Variants in CUL2 observed in about 807,000 individuals in gnomAD.
The protein encoded by CUL2 is cullin 2, also known as cullin-2.
Under a neutral mutation model 110.2 loss-of-function variants are expected in CUL2, and 22 were observed. The observed-to-expected ratio is 0.20, with a 90% CI of 0.14 to 0.28. The LOEUF (loss-of-function observed/expected upper bound fraction) is 0.28, where lower values mean the gene tolerates loss of function less well. Ranked by LOEUF, CUL2 falls within the 10% of genes least tolerant of loss-of-function variation. The probability of loss-of-function intolerance (pLI) is 1.00; values close to 1 mark genes in which losing one functional copy is unlikely to be tolerated. For missense variants in CUL2, 631 were observed against 905.5 expected (o/e 0.70, Z 3.89); for synonymous variants, 279 against 293.2 (o/e 0.95, Z 0.49).
chr10:35,018,832 A>T (rs1399644952), intron 17 of CUL2, among the ~76,000 whole-genome samples: 2 of 152,016 alleles, frequency 1.3e-5, no homozygotes, highest in Non-Finnish European at 2.9e-5. Context: ...CCATAAATGC[A>T]ATATTATCTT....
intron 1 of CUL2, chr10:35,118,795 T>C (rs554547569): frequency 4.6e-5 from 7 of 152,226 alleles, no homozygotes; most frequent in African/African-American, 1.7e-4. Flanking sequence ...CACAAGAGTT[T>C]AGGACTTGGG....
At chr10:35,067,343 C>A (rs1219688398) in intron 2 of CUL2, among the ~76,000 whole-genome samples, 1 of 152,024 alleles carries the variant, frequency 6.6e-6, no homozygotes. Flanking sequence ...CTGCTGGAGT[C>A]TGGAATGGAA....
intron 8 of CUL2, among the ~76,000 whole-genome samples, chr10:35,044,005 C>T (rs1368214815): frequency 7.8e-6 from 1 of 128,676 alleles, no homozygotes; most frequent in Non-Finnish European, 1.6e-5. Context: ...GAGCCATGAT[C>T]AAGCCACTGC....
At chr10:35,082,089 G>A (rs1166353661) in intron 1 of CUL2, among the ~76,000 whole-genome samples, 13 of 151,536 alleles carry the variant, frequency 8.6e-5, no homozygotes, top group Admixed American at 8.6e-4. Context: ...TTGAGCTCAG[G>A]AGTTCAAGAC....
intron 4 of CUL2, among the ~76,000 whole-genome samples, chr10:35,058,038 C>T (rs2086286974): frequency 6.6e-6 from 1 of 152,160 alleles, no homozygotes; most frequent in South Asian, 2.1e-4. Context: ...GCGGATGCTG[C>T]AGTGAGCCAA....
At chr10:35,093,172 C>G (rs1262281605), upstream of CUL2, among the ~76,000 whole-genome samples, 3 of 152,032 alleles carry the variant, frequency 2.0e-5, no homozygotes, top group Non-Finnish European at 4.4e-5. Context: ...GTCCCCTGCT[C>G]ACCAAATTGT....
intron 1 of CUL2, among the ~76,000 whole-genome samples, chr10:35,073,033 G>T (rs1195109097): frequency 2.6e-5 from 4 of 152,166 alleles, no homozygotes; most frequent in African/African-American, 9.7e-5. Flanking sequence ...CACGGACTGG[G>T]AGAGGCCCTT....
chr10:35,094,594 T>C (rs944942356), upstream of CUL2, among the ~76,000 whole-genome samples: 1 of 152,096 alleles, frequency 6.6e-6, no homozygotes, highest in African/African-American at 2.4e-5. Context: ...CTCTAACTCA[T>C]GAAATTCCTT....
At chr10:35,061,315 T>TA (rs927809615) in intron 3 of CUL2, among the ~76,000 whole-genome samples, 8 of 150,494 alleles carry the variant, frequency 5.3e-5, no homozygotes, top group African/African-American at 1.2e-4. Context: ...CTCTACTAAA[T>TA]AAAAAAAAAT....
chr10:35,102,900 A>T (rs1040153373), intron 1 of CUL2, among the ~76,000 whole-genome samples: 19 of 150,906 alleles, frequency 1.3e-4, no homozygotes, highest in Middle Eastern at 3.4e-3. Context: ...AAAAAAAAAA[A>T]TTTTAAGAAG....
In CUL2 at chr10:35,038,989, T is replaced by A; in HGVS notation, c.808A>T (p.Met270Leu). Reference protein sequence around the residue: ...TKVIHECQQRMVADHLQFLHA... With the variant: ...TKVIHECQQRLVADHLQFLHA... The stretch of plus-strand genomic sequence containing the variant: ...AAAAACTGTAAGTGGTCTGCTACCA[T>A]TCGTTGTTGACATTCATGAATCACC... Residue 270 changes from methionine to leucine, a missense_variant, in exon 9 of 21, where the codon ATG (methionine) becomes TTG (leucine). This residue lies in a region of CUL2 where 338 missense variants were observed against 442.5 expected (regional missense o/e 0.76). Transcript: ENST00000374749. 6.2e-7 allele frequency: 1 copy of A among 1,610,562 alleles called. No individual in the cohort carries two copies. The highest frequency in any genetic ancestry group is 8.5e-7 in the Non-Finnish European group (1 of 1,177,926).
At chr10:35,027,568 T>C (rs1251702103) in intron 16 of CUL2, among the ~76,000 whole-genome samples, 1 of 152,226 alleles carries the variant, frequency 6.6e-6, no homozygotes, top group Admixed American at 6.5e-5. Context: ...TTCCACAGTT[T>C]TGAGATACTT....
intron 15 of CUL2, among the ~76,000 whole-genome samples, 176 bp from the exon 16 acceptor site, chr10:35,029,063 G>GT (rs35011745): frequency 0.34 from 47,685 of 141,898 alleles, 7,906 homozygotes; most frequent in South Asian, 0.36. Flanking sequence ...ACCTTTTTTT[G>GT]TTTTTTTTTT....
At chr10:35,123,794 G>C (rs1454170318) in intron 1 of CUL2, among the ~76,000 whole-genome samples, 1 of 152,246 alleles carries the variant, frequency 6.6e-6, no homozygotes, top group Non-Finnish European at 1.5e-5. Context: ...AGTGAGAACT[G>C]TCAGGTGTTT....
chr10:35,092,376 G>A (rs926861743), upstream of CUL2, among the ~76,000 whole-genome samples: 15 of 152,198 alleles, frequency 9.9e-5, no homozygotes, highest in Admixed American at 2.6e-4. Flanking sequence ...TCATTGGATC[G>A]CTGTATTCTT....
In CUL2 at chr10:35,031,749, T is replaced by TA. The variant is rs2085485273; in HGVS notation, c.1171-131_1171-130insT. Reference sequence around the variant, plus strand: ...TTTGCTGTTTTTTTTAGAGACCGGGTCTTGCTCTGTTGCCAGGCTGGATTG... The same window carrying TA: ...TTTGCTGTTTTTTTTAGAGACCGGGTACTTGCTCTGTTGCCAGGCTGGATTG... On this transcript the variant is annotated intron_variant, in intron 12 of 20. Coordinates refer to ENST00000374749, the MANE Select transcript of CUL2 (RefSeq NM_003591.4). This position sits in a 1 kb window ranked among gnomAD's most constrained non-coding sequence, Gnocchi z 4.4. 1 of 892,778 alleles carries TA rather than the reference T, an allele frequency of 1.1e-6. No individual in the cohort carries two copies. Among genetic ancestry groups the TA allele is most frequent in the Admixed American group, 2.4e-5 (1 of 41,834 alleles). 55.3% of individuals were successfully genotyped at this position (892,778 alleles called of 1,614,324 possible).
intron 8 of CUL2, among the ~76,000 whole-genome samples, chr10:35,044,058 A>AC (rs2085870884): frequency 9.5e-6 from 1 of 105,734 alleles, no homozygotes; most frequent in African/African-American, 3.4e-5. Flanking sequence ...CTCCAAAAAA[A>AC]AAAAAAAAAA....
At chr10:35,099,509 C>A (rs1412270468) in intron 2 of CUL2, 1 of 151,816 alleles carries the variant, frequency 6.6e-6, no homozygotes. Flanking sequence ...TCTAAAATAG[C>A]ATACTTAGAC....
intron 1 of CUL2, among the ~76,000 whole-genome samples, chr10:35,089,157 A>G (rs2087135912): frequency 6.6e-6 from 1 of 152,200 alleles, no homozygotes; most frequent in African/African-American, 2.4e-5. Context: ...CCTGGGTGAC[A>G]AGAGCAAAAC....
Sources: gnomAD v4.1 joint callset for allele counts (sites outside exome capture counted in the v4.1 genomes callset) on GRCh38, gnomAD v4.1.1 for gene constraint, gnomAD v4.1.1 regional missense constraint, Gnocchi (gnomAD v3.1) non-coding constraint, MANE v1.5 for transcripts, NCBI Gene and HGNC (gene_info 2026-07-23, HGNC 2026-07-21) for gene names.